Variants in GP9 observed in about 807,000 individuals in gnomAD.
The protein encoded by GP9 is glycoprotein IX platelet.
For synonymous variants in GP9, 116 were observed against 116.7 expected (o/e 0.99, Z 0.04); for missense variants, 228 against 241.8 (o/e 0.94, Z 0.38).
At chr3:129,058,383 G>A (rs1020205798), upstream of GP9, among the ~76,000 whole-genome samples, 6 of 152,206 alleles carry the variant, frequency 3.9e-5, no homozygotes. Flanking sequence ...CAGCCCTCCT[G>A]AGGTAGATCA....
upstream of GP9, among the ~76,000 whole-genome samples, chr3:129,055,887 C>T (rs138859592): frequency 3.4e-4 from 52 of 152,184 alleles, 1 homozygote; most frequent in African/African-American, 7.9e-4. Context: ...TCAAGTGATC[C>T]GCCCACCTCG....
chr3:129,062,388 G>A lies in GP9; in HGVS notation c.*115G>A. The A allele has an allele frequency of 1.4e-6, 1 of 714,370 alleles. No homozygotes were observed. Among genetic ancestry groups the A allele is most frequent in the East Asian group, 2.8e-5 (1 of 35,234 alleles). The allele number at this position is 714,370 out of a possible 1,614,324, so 44.3% of individuals were successfully genotyped here. ...ACCAGAAGCCCAGAATAAACTGGCA[G>A]CTCAGCTGTTTTATATAAGCTCAGA... On this transcript the variant is annotated 3_prime_UTR_variant, in exon 3 of 3. Transcript: ENST00000307395.
At chr3:129,059,497 T>C (rs1335993246), upstream of GP9, among the ~76,000 whole-genome samples, 1 of 152,170 alleles carries the variant, frequency 6.6e-6, no homozygotes, top group Non-Finnish European at 1.5e-5. Flanking sequence ...TGGTCCAGGC[T>C]CCGGTCAGAG....
At chr3:129,057,830 C>T (rs77491830), upstream of GP9, among the ~76,000 whole-genome samples, 20,671 of 123,806 alleles carry the variant, frequency 0.17, 3,102 homozygotes, top group East Asian at 0.49. Flanking sequence ...TAGGTTGCTT[C>T]TTTTTTTTTT....
At chr3:129,060,935 G>A (rs1946568212) in intron 1 of GP9, 85 bp downstream of exon 1, 1 of 152,852 alleles carries the variant, frequency 6.5e-6, no homozygotes, top group Admixed American at 6.5e-5. Flanking sequence ...GACAGGGTTG[G>A]GTGGGACATT....
At chr3:129,055,228 CCATT>C in the GP9 span, among the ~76,000 whole-genome samples, 1 of 152,158 alleles carries the variant, frequency 6.6e-6, no homozygotes, top group African/African-American at 2.4e-5. Flanking sequence ...ATAAAGGGGT[CCATT>C]CAGTTTGGCA....
chr3:129,055,914 G>A (rs1946517820), upstream of GP9, among the ~76,000 whole-genome samples: 1 of 152,054 alleles, frequency 6.6e-6, no homozygotes, highest in African/African-American at 2.4e-5. Flanking sequence ...CAAAGTGCTG[G>A]GATTACAGGC....
chr3:129,061,409 C>G (rs1295507522), intron 1 of GP9, 85 bp from the exon 2 acceptor site: 2 of 455,990 alleles, frequency 4.4e-6, no homozygotes, highest in African/African-American at 4.0e-5. Context: ...ATCTGCTCCT[C>G]TCATCCCCAA....
chr3:129,055,790 G>A (rs556455040), upstream of GP9, among the ~76,000 whole-genome samples: 2 of 152,152 alleles, frequency 1.3e-5, no homozygotes, highest in South Asian at 2.1e-4. Context: ...GATTACAGGC[G>A]CGTGACACCA....
chr3:129,057,317 AG>A (rs1330578903), upstream of GP9, among the ~76,000 whole-genome samples: 1 of 152,166 alleles, frequency 6.6e-6, no homozygotes, highest in African/African-American at 2.4e-5. Flanking sequence ...GCCTTTGAGG[AG>A]GGGTCATCTG....
chr3:129,061,987 C>T lies in GP9; in HGVS notation c.248C>T (p.Thr83Met), dbSNP rs745846700. ...HLPQLQTLDV[T>M]QNPWHCDCSL... is the part of the protein sequence containing the mutation. ...CCCCAGCTGCAGACCCTCGATGTGA[C>T]GCAGAACCCCTGGCACTGTGACTGC... The change falls in exon 3 of 3, where the codon ACG (threonine) becomes ATG (methionine). Residue 83 changes from threonine (T) to methionine (M), a missense_variant. By Grantham distance (81) the Thr-to-Met change is moderately conservative (BLOSUM62 -1). Coordinates refer to ENST00000307395, the MANE Select transcript of GP9 (RefSeq NM_000174.5). 47 of 1,613,694 alleles carry T rather than the reference C, an allele frequency of 2.9e-5. No individual in the cohort carries two copies. Among genetic ancestry groups the T allele is most frequent in the Non-Finnish European group, 3.6e-5 (42 of 1,179,872 alleles).
upstream of GP9, among the ~76,000 whole-genome samples, chr3:129,056,337 G>A (rs1329586861): frequency 6.6e-6 from 1 of 152,154 alleles, no homozygotes; most frequent in Non-Finnish European, 1.5e-5. Context: ...GTTGCACACA[G>A]GCTAAAAATG....
chr3:129,059,065 C>A (rs1946548176), upstream of GP9, among the ~76,000 whole-genome samples: 1 of 152,160 alleles, frequency 6.6e-6, no homozygotes, highest in Non-Finnish European at 1.5e-5. Flanking sequence ...TATGTATTTA[C>A]CCATATGGGT....
intron 2 of GP9, 51 bp downstream of exon 2, chr3:129,061,670 C>G (rs188407487): frequency 3.0e-6 from 4 of 1,327,190 alleles, no homozygotes. Flanking sequence ...CAGTGCTTGC[C>G]GTCCCTGAGG....
Position 129,061,097 on chromosome 3 carries a change from A to G in GP9, c.-139+247A>G, listed in dbSNP as rs6783933. Among the ~76,000 whole-genome samples the G allele has an allele frequency of 4.2e-3, 633 of 152,294 alleles. 1 individual carries two copies. Among genetic ancestry groups the G allele is most frequent in the African/African-American group, 0.015 (615 of 41,556 alleles). On this transcript the variant is annotated intron_variant, in intron 1 of 2. Coordinates refer to ENST00000307395, the MANE Select transcript of GP9 (RefSeq NM_000174.5). ...CAAACAGAGGGCCACGGTTGCCGAG[A>G]CCCGAGTGTGAGTCTGGCCTCTGAC...
the GP9 span, among the ~76,000 whole-genome samples, chr3:129,055,279 T>C: frequency 6.6e-6 from 1 of 152,240 alleles, no homozygotes; most frequent in African/African-American, 2.4e-5. Context: ...ACACTTAATA[T>C]TTTTCTTAGA....
At chr3:129,055,214 G>A in the GP9 span, among the ~76,000 whole-genome samples, 3 of 152,062 alleles carry the variant, frequency 2.0e-5, no homozygotes, top group Non-Finnish European at 4.4e-5. Context: ...GGGTCCCCTT[G>A]GCCATAAAGG....
chr3:129,056,719 C>T (rs559959209), upstream of GP9, among the ~76,000 whole-genome samples: 109 of 152,254 alleles, frequency 7.2e-4, no homozygotes, highest in South Asian at 0.022. Flanking sequence ...GAGGGCTTCC[C>T]GTAAGAAGTT....
chr3:129,056,914 G>T (rs910312544), upstream of GP9, among the ~76,000 whole-genome samples: 1 of 152,202 alleles, frequency 6.6e-6, no homozygotes, highest in Admixed American at 6.5e-5. Context: ...TGGACAGGGT[G>T]GCAGAGGGTG....
Sources: gnomAD v4.1 joint callset for allele counts (sites outside exome capture counted in the v4.1 genomes callset) on GRCh38, gnomAD v4.1.1 for gene constraint, MANE v1.5 for transcripts, NCBI Gene and HGNC (gene_info 2026-07-23, HGNC 2026-07-21) for gene names.